Variants in AKIRIN1 observed in about 807,000 individuals in gnomAD.
AKIRIN1 encodes akirin 1.
A neutral mutation model predicts 25.9 loss-of-function variants in AKIRIN1; 4 were observed. That is an observed-to-expected ratio of 0.15 (90% confidence interval 0.08 to 0.35). The LOEUF (loss-of-function observed/expected upper bound fraction) is 0.35, where lower values mean the gene tolerates loss of function less well. Ranked by LOEUF, AKIRIN1 falls within the 10% of genes least tolerant of loss-of-function variation. The pLI, the probability that AKIRIN1 is intolerant of heterozygous loss-of-function variation, is 1.00. For synonymous variants in AKIRIN1, 125 were observed against 105.1 expected, an observed-to-expected ratio of 1.19 and a Z score of -1.16; for missense variants, 243 against 266.1, an observed-to-expected ratio of 0.91 and a Z score of 0.61.
chr1:38,992,973 TAAAG>T (rs1643920505), intron 1 of AKIRIN1, among the ~76,000 whole-genome samples: 1 of 152,214 alleles, frequency 6.6e-6, no homozygotes, highest in African/African-American at 2.4e-5. Flanking sequence ...AAGTCCATTT[TAAAG>T]AACCCTCAAA....
chr1:38,998,744 A>G (rs1401579460), intron 2 of AKIRIN1, among the ~76,000 whole-genome samples: 2 of 152,092 alleles, frequency 1.3e-5, no homozygotes, highest in Non-Finnish European at 2.9e-5. Context: ...TCTCTACTAA[A>G]AATACAAAAA....
intron 1 of AKIRIN1, among the ~76,000 whole-genome samples, chr1:38,995,902 C>T (rs770376405): frequency 2.6e-5 from 4 of 152,144 alleles, no homozygotes; most frequent in South Asian, 2.1e-4. Flanking sequence ...GGTGTGGTGG[C>T]GGGCTCCTGA....
chr1:38,992,074 TCCAGAAGTCTTTAGGAAC>T (rs1290842556), intron 1 of AKIRIN1, among the ~76,000 whole-genome samples: 2 of 152,010 alleles, frequency 1.3e-5, no homozygotes, highest in African/African-American at 4.8e-5. Flanking sequence ...AGACATGATT[TCCAGAAGTCTTTAGGAAC>T]CCAGAGGCCG....
intron 1 of AKIRIN1, among the ~76,000 whole-genome samples, chr1:38,994,305 T>G (rs1643930791): frequency 6.6e-6 from 1 of 152,208 alleles, no homozygotes; most frequent in South Asian, 2.1e-4. Flanking sequence ...TCAATCTGTA[T>G]GGTACTTTTT....
At chr1:38,991,906 CCTT>C (rs1643909030) in intron 1 of AKIRIN1, among the ~76,000 whole-genome samples, 1 of 152,000 alleles carries the variant, frequency 6.6e-6, no homozygotes, top group Admixed American at 6.6e-5. Flanking sequence ...TGAAGCCCCT[CCTT>C]CCTCCGCTGG....
rs1043081585 is a variant in AKIRIN1 at position 39,005,670 on chromosome 1, G to A, written c.*1615G>A. 1 of 152,106 alleles carries A rather than the reference G, an allele frequency of 6.6e-6. No individual in the cohort carries two copies. Among genetic ancestry groups the A allele is most frequent in the African/African-American group, 2.4e-5 (1 of 41,420 alleles). The allele number at this position is 152,106 out of a possible 1,614,324, so 9.4% of individuals were successfully genotyped here. Reference sequence around the variant, plus strand: ...GAAAAATTCTGAGTTTAATTCAAATGTATGCCAATACCTTCCAAAGTAAGG... The same window carrying A: ...GAAAAATTCTGAGTTTAATTCAAATATATGCCAATACCTTCCAAAGTAAGG... On this transcript the variant is annotated 3_prime_UTR_variant, in exon 5 of 5. Coordinates refer to ENST00000432648, the MANE Select transcript of AKIRIN1 (RefSeq NM_024595.3).
chr1:38,991,671 G>T, intron 1 of AKIRIN1, 71 bp downstream of exon 1: 1 of 865,750 alleles, frequency 1.2e-6, no homozygotes, highest in Admixed American at 4.7e-5. Flanking sequence ...GGTGGGGGAG[G>T]GTTGGGAATA....
chr1:38,997,769 A>G (rs1380035500), intron 1 of AKIRIN1, among the ~76,000 whole-genome samples: 1 of 152,196 alleles, frequency 6.6e-6, no homozygotes, highest in Non-Finnish European at 1.5e-5. Context: ...GAAATTGCGA[A>G]ATTTAAAGGA....
In AKIRIN1 at chr1:39,003,508, T is replaced by C. The variant is rs41270793; in HGVS notation, c.568+90T>C. ...TTCTCTCCTCAGAGTAAAAAGTCCC[T>C]GTGAAGTAAAATGTGCCCAGCACTA... is the stretch of plus-strand genomic sequence containing the variant. On this transcript the variant is annotated intron_variant, in intron 4 of 4. Transcript: ENST00000432648. 56 of 1,264,354 alleles carry C rather than the reference T, an allele frequency of 4.4e-5. No homozygotes were observed. In the Middle Eastern group the frequency reaches 1.6e-3, roughly 36 times the overall value. The allele number at this position is 1,264,354 out of a possible 1,614,324, so 78.3% of individuals were successfully genotyped here. A position where few individuals can be genotyped will look rare whatever the true frequency, so the allele number is the denominator to read the frequency against.
Position 38,991,328 on chromosome 1 carries a change from C to T in AKIRIN1, c.-53C>T, listed in dbSNP as rs900266419. 1.5e-4 allele frequency: 200 copies of T among 1,314,766 alleles called. No individual in the cohort carries two copies. The African/African-American group carries it at 2.7e-3, about 18-fold the overall frequency. The allele number at this position is 1,314,766 out of a possible 1,614,324, so 81.4% of individuals were successfully genotyped here. On this transcript the variant is annotated 5_prime_UTR_variant, in exon 1 of 5. Transcript: ENST00000432648. ...GCTGGCGAGCCCGGCTGAGGAGCCTCTTGGGCCGCACTTACCGCCGCGTCC... is the reference window on the plus strand; with the variant it reads ...GCTGGCGAGCCCGGCTGAGGAGCCTTTTGGGCCGCACTTACCGCCGCGTCC...
At chr1:38,993,231 T>C (rs1427258861) in intron 1 of AKIRIN1, among the ~76,000 whole-genome samples, 2 of 152,204 alleles carry the variant, frequency 1.3e-5, no homozygotes, top group African/African-American at 4.8e-5. Context: ...TTGGTTGTAG[T>C]TCACATTACA....
At chr1:39,003,567 A>G (rs1644010863) in intron 4 of AKIRIN1, 149 bp downstream of exon 4, 1 of 703,834 alleles carries the variant, frequency 1.4e-6, no homozygotes, top group Admixed American at 2.8e-5. Flanking sequence ...CAAAGCTTAT[A>G]TAAGCCTCAC....
Position 38,991,289 on chromosome 1 carries a change from T to G in AKIRIN1, c.-92T>G. 1 of 1,160,894 alleles carries G rather than the reference T, an allele frequency of 8.6e-7. No homozygotes were observed. The highest frequency in any genetic ancestry group is 2.3e-5 in the South Asian group (1 of 43,086). 71.9% of individuals were successfully genotyped at this position (1,160,894 alleles called of 1,614,324 possible). On this transcript the variant is annotated 5_prime_UTR_variant, in exon 1 of 5. Transcript: ENST00000432648. ...CCGCTGCCGGGTGCTGGAGGCGCCA[T>G]TGGAGCCGGCTTGGCTGGCGAGCCC...
chr1:38,991,343 C>A lies in AKIRIN1; in HGVS notation c.-38C>A. On this transcript the variant is annotated 5_prime_UTR_variant, in exon 1 of 5. Coordinates refer to ENST00000432648, the MANE Select transcript of AKIRIN1 (RefSeq NM_024595.3). ...TGAGGAGCCTCTTGGGCCGCACTTA[C>A]CGCCGCGTCCGCTCCCGGTCCCTGG... is the stretch of plus-strand genomic sequence containing the variant. 7.5e-7 allele frequency: 1 copy of A among 1,333,424 alleles called. No individual in the cohort carries two copies. The highest frequency in any genetic ancestry group is 1.9e-5 in the South Asian group (1 of 53,740). 82.6% of individuals were successfully genotyped at this position (1,333,424 alleles called of 1,614,324 possible). A position where few individuals can be genotyped will look rare whatever the true frequency, so the allele number is the denominator to read the frequency against.
At position 38,991,582 on chromosome 1, in the gene AKIRIN1, C is replaced by A; in HGVS notation, c.202C>A (p.Arg68=). ...LQQPAPPGSE[R]RLPTPEQIFQ... ...GCAGCCCGCCCCGCCCGGCAGCGAG[C>A]GGCGCCTTCCAACTCCGGGTAACCT... Residue 68 remains arginine, a synonymous_variant, in exon 1 of 5, where the codon CGG becomes AGG. Coordinates refer to ENST00000432648, the MANE Select transcript of AKIRIN1 (RefSeq NM_024595.3). The A allele has an allele frequency of 8.8e-7, 1 of 1,131,682 alleles. No homozygotes were observed. The highest frequency in any genetic ancestry group is 1.1e-6 in the Non-Finnish European group (1 of 915,818). 70.1% of individuals were successfully genotyped at this position (1,131,682 alleles called of 1,614,324 possible).
chr1:38,998,793 C>T (rs1643966883), intron 2 of AKIRIN1, among the ~76,000 whole-genome samples: 2 of 151,676 alleles, frequency 1.3e-5, no homozygotes, highest in Admixed American at 6.6e-5. Flanking sequence ...GTAATCCCAG[C>T]TACTCGGGAG....
intron 1 of AKIRIN1, among the ~76,000 whole-genome samples, chr1:38,992,068 A>C (rs922627308): frequency 6.6e-6 from 1 of 152,152 alleles, no homozygotes; most frequent in Non-Finnish European, 1.5e-5. Context: ...GTAGGGAGAC[A>C]TGATTTCCAG....
chr1:39,002,785 T>C (rs553004972), intron 3 of AKIRIN1, among the ~76,000 whole-genome samples: 17 of 152,228 alleles, frequency 1.1e-4, no homozygotes, highest in African/African-American at 4.1e-4. Context: ...CCCACCATAA[T>C]ACTGTTTCAG....
chr1:39,003,723 G>A (rs1287376234), intron 4 of AKIRIN1, among the ~76,000 whole-genome samples: 1 of 152,154 alleles, frequency 6.6e-6, no homozygotes, highest in Admixed American at 6.5e-5. Context: ...GCACCAATTT[G>A]TTACCTGTCT....
Sources: gnomAD v4.1 joint callset for allele counts (sites outside exome capture counted in the v4.1 genomes callset) on GRCh38, gnomAD v4.1.1 for gene constraint, MANE v1.5 for transcripts, NCBI Gene and HGNC (gene_info 2026-07-23, HGNC 2026-07-21) for gene names.